HDGFL2: variants seen among roughly 807,000 people sequenced by gnomAD.
HDGFL2 encodes hepatoma-derived growth factor-related protein 2.
Under a neutral mutation model 77.1 loss-of-function variants are expected in HDGFL2, and 36 were observed. The ratio of observed to expected loss-of-function variants is 0.47; its 90% CI spans 0.36 to 0.62. The LOEUF is 0.62. Among genes scored for constraint, HDGFL2 ranks in the 20% least tolerant of loss-of-function variants. HDGFL2 has a pLI of 0.00. For synonymous variants in HDGFL2, 463 were observed against 413.1 expected, an observed-to-expected ratio of 1.12 and a Z score of -1.46; for missense variants, 976 against 973.4, an observed-to-expected ratio of 1.00 and a Z score of -0.04.
Position 4,472,362 on chromosome 19 carries a change from C to T in HDGFL2, c.12C>T (p.Ala4=), listed in dbSNP as rs762466854. The change falls in exon 1 of 16, where the codon GCC becomes GCT. Residue 4 remains alanine, a synonymous_variant. Coordinates refer to ENST00000616600, the MANE Select transcript of HDGFL2 (RefSeq NM_001001520.3). The part of the protein sequence containing the change: MPH[A]FKPGDLVFAK... ...CTCTCGCCGTCAGCATGCCACACGC[C>T]TTCAAGCCCGGGGACTTGGTGTTCG... The T allele has an allele frequency of 6.5e-6, 10 of 1,529,372 alleles. No homozygotes were observed. The highest frequency in any genetic ancestry group is 1.2e-5 in the South Asian group (1 of 81,536). The allele number at this position is 1,529,372 out of a possible 1,614,324, so 94.7% of individuals were successfully genotyped here. A position where few individuals can be genotyped will look rare whatever the true frequency, so the allele number is the denominator to read the frequency against.
chr19:4,499,560 C>G lies in HDGFL2; in HGVS notation c.1645C>G (p.Arg549Gly). ...AAEVYTRLKSRVLGPKIEAVQ... is the reference protein window; with the variant it reads ...AAEVYTRLKSGVLGPKIEAVQ... ...AGAAGTCTATACCCGGCTCAAGTCG[C>G]GGGTCCTCGGCCCAAAGATCGAGGC... Residue 549 changes from arginine (R) to glycine (G), a missense_variant, in exon 14 of 16, where the codon CGG (arginine) becomes GGG (glycine). Physicochemically the swap from Arg to Gly is moderately radical, Grantham distance 125. This residue lies in a region of HDGFL2 where 229 missense variants were observed against 187.3 expected (regional missense o/e 1.22). Coordinates refer to ENST00000616600, the MANE Select transcript of HDGFL2 (RefSeq NM_001001520.3). The G allele has an allele frequency of 6.2e-7, 1 of 1,613,666 alleles. No individual in the cohort carries two copies. The highest frequency in any genetic ancestry group is 8.5e-7 in the Non-Finnish European group (1 of 1,179,912).
intron 3 of HDGFL2, among the ~76,000 whole-genome samples, chr19:4,486,775 C>A (rs369609448): frequency 6.6e-6 from 1 of 152,110 alleles, no homozygotes; most frequent in African/African-American, 2.4e-5. Context: ...CATCTCCACC[C>A]GCTTCTCTGT....
intron 3 of HDGFL2, among the ~76,000 whole-genome samples, chr19:4,478,245 C>T (rs1412040730): frequency 2.0e-5 from 3 of 150,684 alleles, no homozygotes; most frequent in Admixed American, 2.0e-4. Flanking sequence ...CTCTGTCGCC[C>T]AGGCTGGAGT....
chr19:4,501,324 G>C lies in HDGFL2; in HGVS notation c.1916+7G>C, dbSNP rs1454778405. 6.3e-7 allele frequency: 1 copy of C among 1,583,912 alleles called. No homozygotes were observed. The highest frequency in any genetic ancestry group is 8.6e-7 in the Non-Finnish European group (1 of 1,162,694). ...CCTCTGAAGACCTGCACGAGTGAGT[G>C]TCCCGGGCCGTGGGGTTTGGACTCC... On this transcript the variant is annotated splice_region_variant and intron_variant, in intron 15 of 15. Coordinates refer to ENST00000616600, the MANE Select transcript of HDGFL2 (RefSeq NM_001001520.3).
At chr19:4,501,722 G>A in intron 15 of HDGFL2, 189 bp from the exon 16 acceptor site, 1 of 529,254 alleles carries the variant, frequency 1.9e-6, no homozygotes, top group South Asian at 3.0e-5. Flanking sequence ...TGCCTGGCTG[G>A]CGCCAGCGTG....
chr19:4,501,855 A>G, intron 15 of HDGFL2, 56 bp from the exon 16 acceptor site: 1 of 1,307,000 alleles, frequency 7.7e-7, no homozygotes, highest in Non-Finnish European at 1.0e-6. Flanking sequence ...CAACCGCCCT[A>G]CAGGCAGGGC....
chr19:4,498,157 G>C, intron 11 of HDGFL2, 126 bp downstream of exon 11: 1 of 1,166,180 alleles, frequency 8.6e-7, no homozygotes, highest in South Asian at 1.4e-5. Context: ...GGCCGGCCTG[G>C]CCGGCGGTGC....
intron 3 of HDGFL2, among the ~76,000 whole-genome samples, chr19:4,483,787 A>ATTT (rs5826851): frequency 1.4e-3 from 139 of 100,502 alleles, no homozygotes; most frequent in African/African-American, 2.5e-3. Context: ...TTGTTTCATG[A>ATTT]TTTTTTTTTT....
At chr19:4,495,385 CAAAAAAAAAAAA>C (rs747305046) in intron 9 of HDGFL2, among the ~76,000 whole-genome samples, 9 of 54,234 alleles carry the variant, frequency 1.7e-4, no homozygotes, top group African/African-American at 3.3e-4. Flanking sequence ...GACTCCATCT[CAAAAAAAAAAAA>C]AAAAAAAAAA....
intron 9 of HDGFL2, 75 bp from the exon 10 acceptor site, chr19:4,496,227 G>C (rs1975697295): frequency 1.4e-5 from 17 of 1,204,592 alleles, no homozygotes; most frequent in Admixed American, 5.3e-5. Flanking sequence ...TGCATCTCCT[G>C]GTAGTGGGAT....
chr19:4,475,188 T>A, intron 1 of HDGFL2, 87 bp from the exon 2 acceptor site: 1 of 1,162,476 alleles, frequency 8.6e-7, no homozygotes, highest in Non-Finnish European at 1.3e-6. Flanking sequence ...CCTCCCAGCG[T>A]GATTTGCCCC....
chr19:4,483,353 G>GGC lies in HDGFL2; in HGVS notation c.289-5319_289-5318dup, dbSNP rs766890532. Among the ~76,000 whole-genome samples, 5 of 152,234 alleles carry GGC rather than the reference G, an allele frequency of 3.3e-5. No individual in the cohort carries two copies. The East Asian group carries it at 9.7e-4, about 30-fold the overall frequency. ...CTGTGGGCTCCCAGCCTCTCCTCCC[G>GGC]GCGCGGGAGGACCAGGCTAAGCCTG... is the stretch of plus-strand genomic sequence containing the variant. On this transcript the variant is annotated intron_variant, in intron 3 of 15. Coordinates refer to ENST00000616600, the MANE Select transcript of HDGFL2 (RefSeq NM_001001520.3).
intron 3 of HDGFL2, among the ~76,000 whole-genome samples, chr19:4,481,385 T>C (rs903792462): frequency 1.8e-4 from 27 of 152,170 alleles, no homozygotes; most frequent in South Asian, 2.1e-4. Flanking sequence ...AGAGACGGGG[T>C]TTCACCATGT....
Position 4,493,969 on chromosome 19 carries a change from C to G in HDGFL2, c.839-13C>G, listed in dbSNP as rs1163251744. The G allele has an allele frequency of 6.2e-7, 1 of 1,604,732 alleles. No individual in the cohort carries two copies. Among genetic ancestry groups the G allele is most frequent in the Non-Finnish European group, 8.5e-7 (1 of 1,176,058 alleles). On this transcript the variant is annotated splice_polypyrimidine_tract_variant and intron_variant, in intron 7 of 15. Transcript: ENST00000616600. Reference sequence around the variant, plus strand: ...CTGGAAGGGAAGGTCACCCCCTCCTCCTCTTCCTGTAGCGGAGAAGCCTCT... The same window carrying G: ...CTGGAAGGGAAGGTCACCCCCTCCTGCTCTTCCTGTAGCGGAGAAGCCTCT...
chr19:4,491,900 G>A, intron 6 of HDGFL2, 65 bp downstream of exon 6: 1 of 1,450,110 alleles, frequency 6.9e-7, no homozygotes, highest in Non-Finnish European at 9.7e-7. Context: ...CTCCAGTGCT[G>A]TCCCCAGGGC....
At position 4,494,273 on chromosome 19, in the gene HDGFL2, G is replaced by A. The variant is rs1358670895; in HGVS notation, c.1022G>A (p.Arg341His). ...RRREQEEELR[R>H]LREQEKEEKE... is the part of the protein sequence containing the mutation. ...CGAGAGCAGGAGGAGGAGCTGCGGC[G>A]CCTGCGGGAGCAGGAGAAGGAGGAG... The change falls in exon 9 of 16, where the codon CGC (arginine) becomes CAC (histidine). Residue 341 changes from arginine (R) to histidine (H), a missense_variant. By Grantham distance (29) the Arg-to-His change is conservative. Around this residue, in one of 5 missense-constraint regions of HDGFL2, gnomAD observed 567 missense variants for 534.7 expected, o/e 1.06. Transcript: ENST00000616600. 1.0e-5 allele frequency: 15 copies of A among 1,452,482 alleles called. No homozygotes were observed. In the East Asian group the frequency reaches 2.5e-4, roughly 24 times the overall value. The allele number at this position is 1,452,482 out of a possible 1,614,324, so 90.0% of individuals were successfully genotyped here.
rs1156740284 is a variant in HDGFL2, at chr19:4,488,889, C to T, written c.489+13C>T. The T allele has an allele frequency of 1.3e-6, 2 of 1,548,290 alleles. No individual in the cohort carries two copies. The stretch of plus-strand genomic sequence containing the variant: ...GCCTGCGCTAAAGGTAGGGGAGGAC[C>T]AAGGTGGGCTGGCCCTTCATCCCCT... On this transcript the variant is annotated intron_variant, in intron 4 of 15. Transcript: ENST00000616600.
At chr19:4,482,993 T>A (rs1479371325) in intron 3 of HDGFL2, among the ~76,000 whole-genome samples, 1 of 152,126 alleles carries the variant, frequency 6.6e-6, no homozygotes, top group African/African-American at 2.4e-5. Context: ...CCCCCAGCGC[T>A]TGTCTCCTTA....
chr19:4,480,995 T>A (rs1367717754), intron 3 of HDGFL2, among the ~76,000 whole-genome samples: 1 of 148,636 alleles, frequency 6.7e-6, no homozygotes, highest in Non-Finnish European at 1.5e-5. Context: ...TAGGTGGGAT[T>A]ACGGGCATCC....
Sources: gnomAD v4.1 joint callset for allele counts (sites outside exome capture counted in the v4.1 genomes callset) on GRCh38, gnomAD v4.1.1 for gene constraint, gnomAD v4.1.1 regional missense constraint, MANE v1.5 for transcripts, NCBI Gene and HGNC (gene_info 2026-07-23, HGNC 2026-07-21) for gene names.